ZFPM2: variants seen among roughly 807,000 people sequenced by gnomAD.
The protein encoded by ZFPM2 is zinc finger protein ZFPM2.
ZFPM2 carries 20 observed loss-of-function variants against 98.6 expected under a neutral mutation model. The ratio of observed to expected loss-of-function variants is 0.20; its 90% CI spans 0.14 to 0.29. The LOEUF is 0.29. ZFPM2 is among the 10% of genes least tolerant of loss of function. ZFPM2 has a pLI of 1.00. For missense variants in ZFPM2, 1,310 were observed against 1,388.6 expected, an observed-to-expected ratio of 0.94 and a Z score of 0.90; for synonymous variants, 518 against 502.7, an observed-to-expected ratio of 1.03 and a Z score of -0.41.
chr8:105,603,298 G>A (rs887789082), intron 4 of ZFPM2, among the ~76,000 whole-genome samples: 2 of 152,024 alleles, frequency 1.3e-5, no homozygotes, highest in African/African-American at 2.4e-5. Context: ...ATGTTTCGTC[G>A]CTGGGTTAGG....
intron 2 of ZFPM2, among the ~76,000 whole-genome samples, chr8:105,426,176 T>A (rs1252914294): frequency 6.6e-6 from 1 of 152,150 alleles, no homozygotes; most frequent in Non-Finnish European, 1.5e-5. Flanking sequence ...CTTTTTTCCT[T>A]TTTTCTTAAC....
intron 1 of ZFPM2, among the ~76,000 whole-genome samples, chr8:105,393,345 T>TCTTC (rs1811151931): frequency 1.3e-5 from 1 of 74,184 alleles, no homozygotes; most frequent in Non-Finnish European, 2.7e-5. Context: ...TGCCTTTCTT[T>TCTTC]CTTTCTTTCT....
At chr8:105,339,600 G>A (rs1465198796) in intron 1 of ZFPM2, among the ~76,000 whole-genome samples, 1 of 151,888 alleles carries the variant, frequency 6.6e-6, no homozygotes, top group African/African-American at 2.4e-5. Context: ...GACCCGGATT[G>A]TGTGTCTGTT....
intron 1 of ZFPM2, among the ~76,000 whole-genome samples, chr8:105,353,374 A>G (rs1468032925): frequency 2.1e-4 from 32 of 152,070 alleles, no homozygotes; most frequent in Admixed American, 2.1e-3. Flanking sequence ...TTATCACCAT[A>G]TTCTGATATT....
At chr8:105,462,108 A>G (rs769555051) in intron 3 of ZFPM2, among the ~76,000 whole-genome samples, 18 of 152,122 alleles carry the variant, frequency 1.2e-4, no homozygotes, top group Non-Finnish European at 2.5e-4. Flanking sequence ...GTTTTAATAA[A>G]ATTTTGAGAA....
chr8:105,631,333 A>G (rs1264863720), intron 4 of ZFPM2, among the ~76,000 whole-genome samples: 1 of 152,190 alleles, frequency 6.6e-6, no homozygotes, highest in Non-Finnish European at 1.5e-5. Context: ...ATCAATAACA[A>G]TAATATTAAT....
chr8:105,581,780 AC>A (rs1266058697), intron 4 of ZFPM2, among the ~76,000 whole-genome samples: 1 of 152,050 alleles, frequency 6.6e-6, no homozygotes, highest in Non-Finnish European at 1.5e-5. Flanking sequence ...GATTCTCACC[AC>A]CTTGTTTTAT....
At chr8:105,482,133 CT>C (rs1813132680) in intron 3 of ZFPM2, among the ~76,000 whole-genome samples, 2 of 152,120 alleles carry the variant, frequency 1.3e-5, no homozygotes, top group Non-Finnish European at 2.9e-5. Flanking sequence ...CAGCTTTTCT[CT>C]TGTAATTCAC....
At chr8:105,724,892 C>A (rs1013058888) in intron 5 of ZFPM2, among the ~76,000 whole-genome samples, 2 of 151,428 alleles carry the variant, frequency 1.3e-5, no homozygotes, top group African/African-American at 4.8e-5. Flanking sequence ...TGAGTTTTTT[C>A]AAATTGTCAC....
intron 4 of ZFPM2, among the ~76,000 whole-genome samples, chr8:105,632,159 G>C (rs1333345976): frequency 1.3e-5 from 2 of 151,810 alleles, no homozygotes; most frequent in African/African-American, 2.4e-5. Context: ...GTTTTGTTTT[G>C]TTTTGTTTTG....
chr8:105,346,287 G>A (rs1406306912), intron 1 of ZFPM2, among the ~76,000 whole-genome samples: 1 of 151,914 alleles, frequency 6.6e-6, no homozygotes, highest in Non-Finnish European at 1.5e-5. Context: ...AGGAGGCTGA[G>A]GCAGGAGAAT....
intron 4 of ZFPM2, among the ~76,000 whole-genome samples, chr8:105,569,972 C>G (rs1464816294): frequency 6.6e-6 from 1 of 152,084 alleles, no homozygotes; most frequent in Non-Finnish European, 1.5e-5. Context: ...TGTACTGATT[C>G]CTCTAATTGG....
At chr8:105,345,567 G>A (rs1251333713) in intron 1 of ZFPM2, among the ~76,000 whole-genome samples, 2 of 151,300 alleles carry the variant, frequency 1.3e-5, no homozygotes, top group Admixed American at 6.6e-5. Context: ...ACGTATGGAA[G>A]CTCTTTCAGG....
intron 1 of ZFPM2, among the ~76,000 whole-genome samples, chr8:105,371,657 G>C (rs1810623900): frequency 6.6e-6 from 1 of 152,070 alleles, no homozygotes. Context: ...TTAAATTTTA[G>C]GTCATGACTG....
intron 3 of ZFPM2, among the ~76,000 whole-genome samples, chr8:105,457,240 G>T (rs573006561): frequency 1.3e-5 from 2 of 152,162 alleles, no homozygotes; most frequent in South Asian, 4.1e-4. Flanking sequence ...TTATATCTTT[G>T]TCTTTATAAT....
At chr8:105,380,846 T>A (rs1319545911) in intron 1 of ZFPM2, among the ~76,000 whole-genome samples, 1 of 80,020 alleles carries the variant, frequency 1.2e-5, no homozygotes, top group African/African-American at 7.3e-5. Context: ...GTTATATATA[T>A]TATAATATAT....
At chr8:105,379,262 A>G (rs911275596) in intron 1 of ZFPM2, among the ~76,000 whole-genome samples, 5 of 152,206 alleles carry the variant, frequency 3.3e-5, no homozygotes, top group African/African-American at 2.4e-5. Flanking sequence ...ATAACTTTAT[A>G]TCTGCATATG....
chr8:105,445,357 C>T (rs190002651), intron 3 of ZFPM2, among the ~76,000 whole-genome samples: 1 of 152,116 alleles, frequency 6.6e-6, no homozygotes, highest in Non-Finnish European at 1.5e-5. Context: ...TATACTATAA[C>T]ATAATGCTAT....
chr8:105,637,955 T>TTG (rs151195967), intron 5 of ZFPM2, among the ~76,000 whole-genome samples: 72 of 151,220 alleles, frequency 4.8e-4, no homozygotes, highest in South Asian at 1.3e-3. Flanking sequence ...TGCCAAAAAA[T>TTG]TGTGTGTGTG....
Sources: gnomAD v4.1 joint callset for allele counts (sites outside exome capture counted in the v4.1 genomes callset) on GRCh38, gnomAD v4.1.1 for gene constraint, MANE v1.5 for transcripts, NCBI Gene and HGNC (gene_info 2026-07-23, HGNC 2026-07-21) for gene names.